Variants in KCNB2 observed in about 807,000 individuals in gnomAD.
KCNB2 encodes the protein delayed rectifier potassium channel protein.
KCNB2 carries 15 observed loss-of-function variants against 61.5 expected under a neutral mutation model. The ratio of observed to expected loss-of-function variants is 0.24; its 90% CI spans 0.16 to 0.38. The LOEUF (loss-of-function observed/expected upper bound fraction) is 0.38. KCNB2 is among the 10% of genes least tolerant of loss of function. KCNB2 has a pLI of 1.00. For synonymous variants in KCNB2, 457 were observed against 446.0 expected (o/e 1.02, Z -0.31); for missense variants, 828 against 1,125.2 (o/e 0.74, Z 3.78).
intron 2 of KCNB2, among the ~76,000 whole-genome samples, chr8:72,827,440 T>TA (rs550629562): frequency 1.3e-3 from 195 of 151,488 alleles, no homozygotes; most frequent in Non-Finnish European, 1.9e-3. Flanking sequence ...CCATGACCTT[T>TA]AAAAAAAAAC....
chr8:72,821,968 T>C (rs1809519560), intron 2 of KCNB2, among the ~76,000 whole-genome samples: 1 of 152,064 alleles, frequency 6.6e-6, no homozygotes, highest in Non-Finnish European at 1.5e-5. Flanking sequence ...CCTCAATATA[T>C]CTTACCCTCA....
intron 2 of KCNB2, among the ~76,000 whole-genome samples, chr8:72,807,489 G>A (rs1809244042): frequency 6.6e-6 from 1 of 152,164 alleles, no homozygotes; most frequent in Non-Finnish European, 1.5e-5. Context: ...TAGACATTCG[G>A]AATGGCTCTG....
chr8:72,897,330 C>T (rs1219412069), intron 2 of KCNB2, among the ~76,000 whole-genome samples: 2 of 152,030 alleles, frequency 1.3e-5, no homozygotes, highest in East Asian at 1.9e-4. Flanking sequence ...AGTAATTAAG[C>T]CTCCAGATCC....
intron 2 of KCNB2, among the ~76,000 whole-genome samples, chr8:72,608,349 A>C (rs1286552673): frequency 2.0e-5 from 3 of 152,168 alleles, no homozygotes; most frequent in African/African-American, 7.2e-5. Flanking sequence ...TGCTGTGGGC[A>C]GGCAATGGAG....
intron 2 of KCNB2, among the ~76,000 whole-genome samples, chr8:72,924,469 T>C (rs1005147656): frequency 1.3e-5 from 2 of 152,188 alleles, no homozygotes; most frequent in Non-Finnish European, 2.9e-5. Flanking sequence ...TCTGATTCAG[T>C]GGGCCTGGGG....
Position 72,634,757 on chromosome 8 carries a change from C to G in KCNB2, c.579+66444C>G, listed in dbSNP as rs866955049. ...GTAATTTAAAGTGAAAATTTTGATT[C>G]AAATAGGTTCTTGATGACAAGATTA... is the stretch of plus-strand genomic sequence containing the variant. On this transcript the variant is annotated intron_variant, in intron 2 of 2. Coordinates refer to ENST00000523207, the MANE Select transcript of KCNB2 (RefSeq NM_004770.3). Among the ~76,000 whole-genome samples, 3 of 152,090 alleles carry G rather than the reference C, an allele frequency of 2.0e-5. 1 individual carries two copies. The highest frequency in any genetic ancestry group is 2.9e-5 in the Non-Finnish European group (2 of 68,008).
At chr8:72,795,781 T>A (rs552137442) in intron 2 of KCNB2, among the ~76,000 whole-genome samples, 1 of 152,190 alleles carries the variant, frequency 6.6e-6, no homozygotes, top group South Asian at 2.1e-4. Context: ...CCAAAAACAT[T>A]TGTGCAACCA....
intron 2 of KCNB2, among the ~76,000 whole-genome samples, chr8:72,818,917 C>T (rs1205770262): frequency 6.6e-6 from 1 of 152,128 alleles, no homozygotes; most frequent in Non-Finnish European, 1.5e-5. Flanking sequence ...TAAACAACTG[C>T]AGGGTTGCAT....
chr8:72,540,146 T>C (rs1415737382), intron 1 of KCNB2, among the ~76,000 whole-genome samples: 1 of 152,210 alleles, frequency 6.6e-6, no homozygotes, highest in Non-Finnish European at 1.5e-5. Flanking sequence ...GTGTATAACA[T>C]ATTGTGAAAG....
At chr8:72,574,366 T>C (rs549938107) in intron 2 of KCNB2, among the ~76,000 whole-genome samples, 1 of 152,312 alleles carries the variant, frequency 6.6e-6, no homozygotes, top group Admixed American at 6.5e-5. Flanking sequence ...TGACCTAGGG[T>C]GCCATAGGTT....
intron 2 of KCNB2, among the ~76,000 whole-genome samples, chr8:72,786,095 A>G (rs192183683): frequency 6.6e-6 from 1 of 151,942 alleles, no homozygotes; most frequent in African/African-American, 2.4e-5. Context: ...GCATTTTCAC[A>G]TTTAGTATGC....
chr8:72,622,331 T>C (rs549283739), intron 2 of KCNB2, among the ~76,000 whole-genome samples: 9 of 152,224 alleles, frequency 5.9e-5, no homozygotes, highest in Non-Finnish European at 1.2e-4. Flanking sequence ...ATCTACACAG[T>C]CTTTCACTGT....
At chr8:72,863,850 A>C (rs771769364) in intron 2 of KCNB2, among the ~76,000 whole-genome samples, 33 of 152,196 alleles carry the variant, frequency 2.2e-4, no homozygotes, top group Non-Finnish European at 2.8e-4. Context: ...TCTCTACAAA[A>C]AAAAATAGCC....
At chr8:72,837,215 C>G (rs1461089221) in intron 2 of KCNB2, among the ~76,000 whole-genome samples, 2 of 152,196 alleles carry the variant, frequency 1.3e-5, no homozygotes, top group Non-Finnish European at 2.9e-5. Flanking sequence ...AAGCACCACA[C>G]TATGTCTGTA....
intron 2 of KCNB2, among the ~76,000 whole-genome samples, chr8:72,571,304 G>A (rs1267500420): frequency 6.6e-6 from 1 of 152,094 alleles, no homozygotes; most frequent in Non-Finnish European, 1.5e-5. Context: ...TCTGACAATA[G>A]CAAGTCAACT....
chr8:72,567,777 A>C lies in KCNB2; in HGVS notation c.43A>C (p.Arg15=). 1 of 1,605,870 alleles carries C rather than the reference A, an allele frequency of 6.2e-7. No individual in the cohort carries two copies. The highest frequency in any genetic ancestry group is 8.5e-7 in the Non-Finnish European group (1 of 1,176,486). The change falls in exon 2 of 3, where the codon AGG becomes CGG. Residue 15 remains arginine (R), a synonymous_variant. Coordinates refer to ENST00000523207, the MANE Select transcript of KCNB2 (RefSeq NM_004770.3). ...CCCGGGCTTAAACAGGAAGACTTCA[A>C]GGTCGACACTTTCCCTTCCTCCAGA... ...APPGLNRKTS[R]STLSLPPEPV...
intron 2 of KCNB2, among the ~76,000 whole-genome samples, chr8:72,681,386 C>CA (rs1280538189): frequency 6.6e-6 from 1 of 151,996 alleles, no homozygotes; most frequent in Non-Finnish European, 1.5e-5. Context: ...AGAACTAAGA[C>CA]AAACGAACAC....
chr8:72,829,973 G>C (rs1809664107), intron 2 of KCNB2, among the ~76,000 whole-genome samples: 2 of 139,288 alleles, frequency 1.4e-5, no homozygotes, highest in East Asian at 4.0e-4. Context: ...GAGGAAAAAA[G>C]CTGCTGCTTC....
intron 2 of KCNB2, chr8:72,732,136 G>T (rs1240373687): frequency 6.6e-6 from 1 of 152,210 alleles, no homozygotes; most frequent in Non-Finnish European, 1.5e-5. Flanking sequence ...CACAGAATAT[G>T]TTTTCTTTTA....
Sources: gnomAD v4.1 joint callset for allele counts (sites outside exome capture counted in the v4.1 genomes callset) on GRCh38, gnomAD v4.1.1 for gene constraint, MANE v1.5 for transcripts, NCBI Gene and HGNC (gene_info 2026-07-23, HGNC 2026-07-21) for gene names.